Variants in MRPL17 observed in about 807,000 individuals in gnomAD.
MRPL17 encodes large ribosomal subunit protein bL17m.
In MRPL17, 8 loss-of-function variants were observed where a neutral mutation model predicts 12.0. That is an observed-to-expected ratio of 0.67 (90% confidence interval 0.39 to 1.21). The LOEUF is 1.21. Ranked by LOEUF, MRPL17 falls within the 50% of genes most tolerant of loss-of-function variation. The pLI, the probability that MRPL17 is intolerant of heterozygous loss-of-function variation, is 0.01. For missense variants in MRPL17, 263 were observed against 234.4 expected, an observed-to-expected ratio of 1.12 and a Z score of -0.80; for synonymous variants, 107 against 92.9, an observed-to-expected ratio of 1.15 and a Z score of -0.87.
At position 6,683,325 on chromosome 11, in the gene MRPL17, G is replaced by A. The variant is rs571461402; in HGVS notation, c.-29C>T. On this transcript the variant is annotated 5_prime_UTR_variant, in exon 1 of 3. Coordinates refer to ENST00000288937, the MANE Select transcript of MRPL17 (RefSeq NM_022061.4). ...TCCAACTTCTGCCCGCCCCTTGGAG[G>A]CCGGAACTGGAAACTGGAAGGTAGA... is the stretch of plus-strand genomic sequence containing the variant. 12 of 1,594,576 alleles carry A rather than the reference G, an allele frequency of 7.5e-6. No individual in the cohort carries two copies. The South Asian group carries it at 1.0e-4, about 13-fold the overall frequency.
chr11:6,682,189 G>C lies in MRPL17; in HGVS notation c.457C>G (p.Arg153Gly), dbSNP rs1411236417. The change falls in exon 3 of 3, where the codon CGG becomes GGG. Residue 153 changes from arginine (R) to glycine (G), a missense_variant. Transcript: ENST00000288937. Reference protein sequence around the residue: ...TLLNQLLQGLRQDLRQSQEAS... With the variant: ...TLLNQLLQGLGQDLRQSQEAS... Reference sequence around the variant, plus strand: ...TCCTGGCTTTGCCTGAGGTCCTGCCGCAAACCCTGCAGCAGCTGGTTTAGG... The same window carrying C: ...TCCTGGCTTTGCCTGAGGTCCTGCCCCAAACCCTGCAGCAGCTGGTTTAGG... The C allele has an allele frequency of 6.2e-7, 1 of 1,614,134 alleles. No homozygotes were observed.
In MRPL17 at chr11:6,683,153, A is replaced by T; in HGVS notation, c.144T>A (p.Arg48=). The T allele has an allele frequency of 6.2e-7, 1 of 1,614,040 alleles. No individual in the cohort carries two copies. Among genetic ancestry groups the T allele is most frequent in the Non-Finnish European group, 8.5e-7 (1 of 1,180,012 alleles). The change falls in exon 1 of 3, where the codon CGT becomes CGA. Residue 48 remains arginine (R), a synonymous_variant. Transcript: ENST00000288937. ...RHERIEAPWA[R]VDEMRGYAEK... is the part of the protein sequence containing the mutation. ...CCGCGTAGCCCCTCATTTCGTCCAC[A>T]CGCGCCCATGGTGCCTCGATGCGTT...
Position 6,682,930 on chromosome 11 carries a change from C to CG in MRPL17, c.175-116dup, listed in dbSNP as rs1846583661. 3.9e-6 allele frequency: 5 copies of CG among 1,274,552 alleles called. No homozygotes were observed. The African/African-American group carries it at 4.4e-5, about 11-fold the overall frequency. The allele number at this position is 1,274,552 out of a possible 1,614,324, so 79.0% of individuals were successfully genotyped here. A position where few individuals can be genotyped will look rare whatever the true frequency, so the allele number is the denominator to read the frequency against. ...CCACTAGCCAAGCATCTCCAATCTA[C>CG]GCCACCCCTAACTCCGCAGCCCTAA... is the stretch of plus-strand genomic sequence containing the variant. On this transcript the variant is annotated intron_variant, in intron 1 of 2. Coordinates refer to ENST00000288937, the MANE Select transcript of MRPL17 (RefSeq NM_022061.4).
rs1463015892 is a variant in MRPL17 at position 6,682,359 on chromosome 11, C to T, written c.287G>A (p.Arg96Gln). 2 of 1,614,082 alleles carry T rather than the reference C, an allele frequency of 1.2e-6. No individual in the cohort carries two copies. The change falls in exon 3 of 3, where the codon CGG becomes CAG. Residue 96 changes from arginine to glutamine, a missense_variant. Coordinates refer to ENST00000288937, the MANE Select transcript of MRPL17 (RefSeq NM_022061.4). Reference sequence around the variant, plus strand: ...GTAGCCCCCAGTTTGATCTTTGTACCGAGGGGCCAGTACTTGAAACAGCTT... The same window carrying T: ...GTAGCCCCCAGTTTGATCTTTGTACTGAGGGGCCAGTACTTGAAACAGCTT... ...IPKLFQVLAP[R>Q]YKDQTGGYTR...
At chr11:6,682,680 C>A in intron 2 of MRPL17, 67 bp downstream of exon 2, 1 of 1,492,926 alleles carries the variant, frequency 6.7e-7, no homozygotes, top group Non-Finnish European at 9.3e-7. Flanking sequence ...GCATAGTTCT[C>A]CTTTTTCCAA....
Position 6,682,336 on chromosome 11 carries a change from A to T in MRPL17, c.310T>A (p.Tyr104Asn). Residue 104 changes from tyrosine (Y) to asparagine (N), a missense_variant, in exon 3 of 3, where the codon TAC becomes AAC. By Grantham distance (143) the Tyr-to-Asn change is moderately radical (BLOSUM62 -2). Transcript: ENST00000288937. The part of the protein sequence containing the change: ...APRYKDQTGG[Y>N]TRMLQIPNRS... ...TTTGGGATCTGCAGCATTCTTGTGT[A>T]GCCCCCAGTTTGATCTTTGTACCGA... 3.1e-6 allele frequency: 5 copies of T among 1,614,186 alleles called. No individual in the cohort carries two copies. The highest frequency in any genetic ancestry group is 4.2e-6 in the Non-Finnish European group (5 of 1,180,034).
rs1454230754 is a variant in MRPL17, at chr11:6,683,125, T to C, written c.172A>G (p.Lys58Glu). 19 of 1,613,382 alleles carry C rather than the reference T, an allele frequency of 1.2e-5. No individual in the cohort carries two copies. The East Asian group carries it at 2.0e-4, about 17-fold the overall frequency. Residue 58 changes from lysine to glutamate, a missense_variant and splice_region_variant, in exon 1 of 3, where the codon AAG (lysine) becomes GAG (glutamate). Lys to Glu is a moderately conservative substitution (Grantham distance 56). Transcript: ENST00000288937. ...GACAAGAGGGCCGCGCTCCTCACCT[T>C]CTCCGCGTAGCCCCTCATTTCGTCC... ...RVDEMRGYAE[K>E]LIDYGKLGDT...
chr11:6,682,882 T>C (rs745929940), intron 1 of MRPL17, 67 bp from the exon 2 acceptor site: 268 of 1,504,208 alleles, frequency 1.8e-4, no homozygotes, highest in Non-Finnish European at 2.3e-4. Context: ...ATTTCTCTAA[T>C]GCCGGAAGGC....
rs1846563071 is a variant in MRPL17 at position 6,681,566 on chromosome 11, A to C, written c.*552T>G. ...AAGGTAATGTGTGATCCTGCCTCAA[A>C]ACAGAGGACTGATTGCAGTATCCCC... On this transcript the variant is annotated 3_prime_UTR_variant, in exon 3 of 3. Coordinates refer to ENST00000288937, the MANE Select transcript of MRPL17 (RefSeq NM_022061.4). 6.6e-6 allele frequency: 1 copy of C among 152,208 alleles called. No homozygotes were observed. The highest frequency in any genetic ancestry group is 2.4e-5 in the African/African-American group (1 of 41,444). 9.4% of individuals were successfully genotyped at this position (152,208 alleles called of 1,614,324 possible).
At chr11:6,683,041 G>T in intron 1 of MRPL17, 82 bp downstream of exon 1, 3 of 1,530,106 alleles carry the variant, frequency 2.0e-6, no homozygotes, top group East Asian at 2.3e-5. Flanking sequence ...TACCAGGTTG[G>T]TCCCGGTCCC....
rs1467555336 is a variant in MRPL17 at position 6,683,317 on chromosome 11, C to T, written c.-21G>A. 1 of 1,600,554 alleles carries T rather than the reference C, an allele frequency of 6.2e-7. No homozygotes were observed. The highest frequency in any genetic ancestry group is 8.5e-7 in the Non-Finnish European group (1 of 1,171,316). ...CGCATGTTTCCAACTTCTGCCCGCC[C>T]CTTGGAGGCCGGAACTGGAAACTGG... On this transcript the variant is annotated 5_prime_UTR_variant, in exon 1 of 3. Coordinates refer to ENST00000288937, the MANE Select transcript of MRPL17 (RefSeq NM_022061.4).
intron 2 of MRPL17, 121 bp downstream of exon 2, chr11:6,682,626 A>T: frequency 9.5e-7 from 1 of 1,049,000 alleles, no homozygotes; most frequent in African/African-American, 1.6e-5. Context: ...TTTCTAATTT[A>T]GTTAGCAGCA....
At position 6,683,314 on chromosome 11, in the gene MRPL17, G is replaced by A. The variant is rs769240333; in HGVS notation, c.-18C>T. The A allele has an allele frequency of 3.1e-6, 5 of 1,601,746 alleles. No homozygotes were observed. The highest frequency in any genetic ancestry group is 3.4e-5 in the Admixed American group (2 of 58,924). ...AGCCGCATGTTTCCAACTTCTGCCC[G>A]CCCCTTGGAGGCCGGAACTGGAAAC... On this transcript the variant is annotated 5_prime_UTR_variant, in exon 1 of 3. Transcript: ENST00000288937.
intron 2 of MRPL17, 56 bp from the exon 3 acceptor site, chr11:6,682,458 T>A: frequency 6.4e-7 from 1 of 1,565,824 alleles, no homozygotes; most frequent in South Asian, 1.2e-5. Context: ...CAGAGGCATT[T>A]AACTTTACAC....
At position 6,683,224 on chromosome 11, in the gene MRPL17, G is replaced by A. The variant is rs772407845; in HGVS notation, c.73C>T (p.Arg25Cys). The change falls in exon 1 of 3, where the codon CGC (arginine) becomes TGC (cysteine). Residue 25 changes from arginine (R) to cysteine (C), a missense_variant. Physicochemically the swap from Arg to Cys is radical, Grantham distance 180. Transcript: ENST00000288937. ...FRRMGLGPES[R>C]IHLLRNLLTG... is the part of the protein sequence containing the mutation. ...AGCAAGTTCCGCAACAGATGGATGCGGGACTCGGGACCGAGGCCCATACGG... is the reference window on the plus strand; with the variant it reads ...AGCAAGTTCCGCAACAGATGGATGCAGGACTCGGGACCGAGGCCCATACGG... 3 of 1,614,132 alleles carry A rather than the reference G, an allele frequency of 1.9e-6. No individual in the cohort carries two copies. The highest frequency in any genetic ancestry group is 2.5e-6 in the Non-Finnish European group (3 of 1,180,026).
intron 1 of MRPL17, 117 bp from the exon 2 acceptor site, chr11:6,682,932 C>A: frequency 1.6e-6 from 2 of 1,265,274 alleles, no homozygotes; most frequent in Admixed American, 2.1e-5. Context: ...CCAATCTACG[C>A]CACCCCTAAC....
Position 6,683,234 on chromosome 11 carries a change from A to G in MRPL17, c.63T>C (p.Gly21=). The G allele has an allele frequency of 6.2e-7, 1 of 1,614,090 alleles. No homozygotes were observed. Among genetic ancestry groups the G allele is most frequent in the Non-Finnish European group, 8.5e-7 (1 of 1,180,008 alleles). ...HGRVFRRMGL[G]PESRIHLLRN... is the part of the protein sequence containing the mutation. Reference sequence around the variant, plus strand: ...GCAACAGATGGATGCGGGACTCGGGACCGAGGCCCATACGGCGAAATACGC... The same window carrying G: ...GCAACAGATGGATGCGGGACTCGGGGCCGAGGCCCATACGGCGAAATACGC... The change falls in exon 1 of 3, where the codon GGT becomes GGC. Residue 21 remains glycine (G), a synonymous_variant. Coordinates refer to ENST00000288937, the MANE Select transcript of MRPL17 (RefSeq NM_022061.4).
Position 6,683,280 on chromosome 11 carries a change from G to A in MRPL17, c.17C>T (p.Ala6Val). ...TACGCGGCCATGGGAGATCGCTGCAGCGACCGACAGCCGCATGTTTCCAAC... is the reference window on the plus strand; with the variant it reads ...TACGCGGCCATGGGAGATCGCTGCAACGACCGACAGCCGCATGTTTCCAAC... MRLSV[A>V]AAISHGRVFR... Residue 6 changes from alanine to valine, a missense_variant, in exon 1 of 3, where the codon GCT (alanine) becomes GTT (valine). Physicochemically the swap from Ala to Val is moderately conservative, Grantham distance 64. Transcript: ENST00000288937. The A allele has an allele frequency of 6.2e-7, 1 of 1,611,228 alleles. No individual in the cohort carries two copies.
At chr11:6,682,464 T>C in intron 2 of MRPL17, 62 bp from the exon 3 acceptor site, 2 of 1,547,758 alleles carry the variant, frequency 1.3e-6, no homozygotes, top group Admixed American at 1.8e-5. Flanking sequence ...CATTTAACTT[T>C]ACACCATTCC....
Sources: gnomAD v4.1 joint callset for allele counts on GRCh38, gnomAD v4.1.1 for gene constraint, MANE v1.5 for transcripts, NCBI Gene and HGNC (gene_info 2026-07-23, HGNC 2026-07-21) for gene names.